PSD3: variants seen among roughly 807,000 people sequenced by gnomAD.
The protein encoded by PSD3 is PH and SEC7 domain-containing protein 3.
PSD3 carries 49 observed loss-of-function variants against 105.5 expected under a neutral mutation model. The ratio of observed to expected loss-of-function variants is 0.46; its 90% confidence interval spans 0.37 to 0.59. The LOEUF (loss-of-function observed/expected upper bound fraction) is 0.59. Among genes scored for constraint, PSD3 ranks in the 20% least tolerant of loss-of-function variants. The pLI is 0.00. For synonymous variants in PSD3, 557 were observed against 457.8 expected, an observed-to-expected ratio of 1.22 and a Z score of -2.77; for missense variants, 1,561 against 1,263.8, an observed-to-expected ratio of 1.24 and a Z score of -3.57.
At chr8:19,039,024 C>T (rs901821024) in intron 1 of PSD3, among the ~76,000 whole-genome samples, 1 of 152,178 alleles carries the variant, frequency 6.6e-6, no homozygotes, top group African/African-American at 2.4e-5. Flanking sequence ...TAAGCCCCCT[C>T]ATCTTCATTA....
At chr8:18,706,549 T>C (rs553023853) in intron 9 of PSD3, among the ~76,000 whole-genome samples, 4 of 152,208 alleles carry the variant, frequency 2.6e-5, no homozygotes, top group African/African-American at 4.8e-5. Context: ...AAAAGCCATA[T>C]AGAAGAGCAC....
intron 1 of PSD3, among the ~76,000 whole-genome samples, chr8:18,984,892 C>T (rs527615391): frequency 6.6e-6 from 1 of 152,166 alleles, no homozygotes; most frequent in Non-Finnish European, 1.5e-5. Flanking sequence ...AGCTCAATGT[C>T]ACCAGGAAAT....
intron 11 of PSD3, among the ~76,000 whole-genome samples, chr8:18,621,949 T>C (rs182663407): frequency 2.0e-5 from 3 of 152,344 alleles, no homozygotes; most frequent in Admixed American, 2.0e-4. Flanking sequence ...TATGGATGAC[T>C]CAGAATAAAT....
intron 15 of PSD3, among the ~76,000 whole-genome samples, chr8:18,545,161 A>G (rs549262722): frequency 1.3e-4 from 20 of 152,352 alleles, no homozygotes; most frequent in Admixed American, 3.3e-4. Context: ...CTCAGTCTGT[A>G]TAAGTATTCA....
chr8:18,555,249 G>T lies in PSD3; in HGVS notation c.2928+960C>A, dbSNP rs1800997805. ...AAAGCAATACAAGGAAGGGACAGGT[G>T]TGAGACGCCACAGACACTGATCGCT... is the stretch of plus-strand genomic sequence containing the variant. On this transcript the variant is annotated intron_variant, in intron 15 of 15. Coordinates refer to ENST00000327040, the MANE Select transcript of PSD3 (RefSeq NM_015310.4). Among the ~76,000 whole-genome samples the T allele has an allele frequency of 1.3e-5, 2 of 152,110 alleles. 1 individual carries two copies. The highest frequency in any genetic ancestry group is 4.1e-4 in the South Asian group (2 of 4,832).
chr8:18,919,231 C>T (rs887623492), intron 2 of PSD3, among the ~76,000 whole-genome samples: 2 of 152,160 alleles, frequency 1.3e-5, no homozygotes, highest in Non-Finnish European at 2.9e-5. Flanking sequence ...AACAAGCTGA[C>T]TGTACTCCTT....
intron 14 of PSD3, among the ~76,000 whole-genome samples, chr8:18,563,986 T>C (rs1047865413): frequency 2.0e-5 from 3 of 152,170 alleles, no homozygotes; most frequent in African/African-American, 2.4e-5. Flanking sequence ...AAAATCAGTA[T>C]TGAGATACAA....
At chr8:18,796,777 A>G (rs1292913931) in intron 8 of PSD3, among the ~76,000 whole-genome samples, 1 of 152,144 alleles carries the variant, frequency 6.6e-6, no homozygotes, top group African/African-American at 2.4e-5. Flanking sequence ...TGCTATTATG[A>G]CACAACGGTA....
At chr8:18,738,841 CA>C (rs1459846269) in intron 9 of PSD3, among the ~76,000 whole-genome samples, 1 of 150,532 alleles carries the variant, frequency 6.6e-6, no homozygotes, top group Non-Finnish European at 1.5e-5. Flanking sequence ...AAAACAAAAA[CA>C]AAAAAAACAC....
At chr8:18,688,485 T>C (rs534032176) in intron 9 of PSD3, among the ~76,000 whole-genome samples, 6 of 152,320 alleles carry the variant, frequency 3.9e-5, no homozygotes, top group East Asian at 1.9e-4. Context: ...AATAGCAGCA[T>C]AGTATTCGAG....
At chr8:18,617,323 G>T (rs947161231) in intron 11 of PSD3, among the ~76,000 whole-genome samples, 2 of 152,074 alleles carry the variant, frequency 1.3e-5, no homozygotes, top group Non-Finnish European at 2.9e-5. Context: ...CTGAGGTAAG[G>T]GGTTCGAGAC....
intron 4 of PSD3, among the ~76,000 whole-genome samples, chr8:18,841,553 A>T (rs1171025563): frequency 6.6e-6 from 1 of 152,054 alleles, no homozygotes; most frequent in Non-Finnish European, 1.5e-5. Context: ...TCTAGGTCTC[A>T]TGTGGAAGAG....
intron 9 of PSD3, among the ~76,000 whole-genome samples, chr8:18,748,016 G>A (rs1805168401): frequency 6.6e-6 from 1 of 151,992 alleles, no homozygotes; most frequent in African/African-American, 2.4e-5. Flanking sequence ...CAAAATATGA[G>A]TCACCAAAGG....
At position 19,073,550 on chromosome 8, in the gene PSD3, C is replaced by CAAAAAAAAAAA. The variant is rs869154642; in HGVS notation, c.324+10645_324+10655dup. Among the ~76,000 whole-genome samples the CAAAAAAAAAAA allele has an allele frequency of 2.9e-4, 20 of 69,152 alleles. 1 individual carries two copies. Among genetic ancestry groups the CAAAAAAAAAAA allele is most frequent in the African/African-American group, 5.5e-4 (9 of 16,276 alleles). The allele number at this position is 69,152 out of a possible 152,430, so 45.4% of individuals were successfully genotyped here. On this transcript the variant is annotated intron_variant, in intron 1 of 1. Transcript: ENST00000521475. ...TGGGCGACAGAGTGAAACTGTCTCT[C>CAAAAAAAAAAA]AAAAAAAAAAAAAAAAAAAAAAAAA...
intron 10 of PSD3, 69 bp downstream of exon 10, chr8:18,655,573 C>T (rs1350401426): frequency 7.1e-7 from 1 of 1,400,454 alleles, no homozygotes; most frequent in Non-Finnish European, 1.0e-6. Context: ...AGATCACTTC[C>T]AAGGCATAAA....
intron 10 of PSD3, among the ~76,000 whole-genome samples, chr8:18,635,749 C>G (rs924216138): frequency 6.6e-6 from 1 of 152,048 alleles, no homozygotes; most frequent in African/African-American, 2.4e-5. Context: ...ATGGATGAAG[C>G]TGGAAACCAT....
At chr8:18,673,997 G>T (rs1052691535) in intron 9 of PSD3, among the ~76,000 whole-genome samples, 1 of 152,094 alleles carries the variant, frequency 6.6e-6, no homozygotes, top group East Asian at 1.9e-4. Flanking sequence ...TAAAAAATGA[G>T]CTGCGCATGG....
rs995559353 is a variant in PSD3, at chr8:18,532,232, G to T, written c.*3511C>A. 7 of 152,236 alleles carry T rather than the reference G, an allele frequency of 4.6e-5. No homozygotes were observed. Among genetic ancestry groups the T allele is most frequent in the African/African-American group, 1.7e-4 (7 of 41,462 alleles). 9.4% of individuals were successfully genotyped at this position (152,236 alleles called of 1,614,324 possible). On this transcript the variant is annotated 3_prime_UTR_variant, in exon 16 of 16. Coordinates refer to ENST00000327040, the MANE Select transcript of PSD3 (RefSeq NM_015310.4). ...CAGTAGAAAAGCTCAGTGTAACTTT[G>T]TGTTTAGGCAGTAAGAGGCCTCTTT...
intron 1 of PSD3, among the ~76,000 whole-genome samples, chr8:18,988,986 A>G (rs1825650918): frequency 6.6e-6 from 1 of 152,148 alleles, no homozygotes. Flanking sequence ...GTTCTAATAA[A>G]CAGCAGCCTG....
Sources: allele counts gnomAD v4.1 joint callset (sites outside exome capture counted in the v4.1 genomes callset), GRCh38; gene constraint gnomAD v4.1.1; transcripts MANE v1.5; gene names NCBI Gene and HGNC (gene_info 2026-07-23, HGNC 2026-07-21).